Variants in ENPP2 observed in about 807,000 individuals in gnomAD.
The protein encoded by ENPP2 is ectonucleotide pyrophosphatase/phosphodiesterase 2, also known as autotaxin.
In ENPP2, 51 loss-of-function variants were observed where a neutral mutation model predicts 120.2. That is an observed-to-expected ratio of 0.42 (90% confidence interval 0.34 to 0.54). The LOEUF is 0.54. ENPP2 is among the 20% of genes least tolerant of loss of function. The pLI is 0.04. For missense variants in ENPP2, 920 were observed against 1,066.5 expected, an observed-to-expected ratio of 0.86 and a Z score of 1.91; for synonymous variants, 365 against 366.4, an observed-to-expected ratio of 1.00 and a Z score of 0.04.
intron 1 of ENPP2, among the ~76,000 whole-genome samples, chr8:119,663,896 A>G (rs1317404428): frequency 6.6e-6 from 1 of 152,212 alleles, no homozygotes. Flanking sequence ...AATGATGGAA[A>G]AACTCGAATA....
intron 2 of ENPP2, among the ~76,000 whole-genome samples, chr8:119,636,782 AT>A (rs34469483): frequency 6.4e-4 from 94 of 147,608 alleles, no homozygotes; most frequent in South Asian, 1.3e-3. Context: ...AATTCCTGGG[AT>A]TTTTTTTTTT....
chr8:119,614,949 A>T (rs1375564025), intron 8 of ENPP2, among the ~76,000 whole-genome samples: 1 of 152,200 alleles, frequency 6.6e-6, no homozygotes. Flanking sequence ...TTATCTGCAG[A>T]TGTACAAGAA....
At chr8:119,649,409 A>C (rs1034580184) in intron 1 of ENPP2, among the ~76,000 whole-genome samples, 2 of 151,356 alleles carry the variant, frequency 1.3e-5, no homozygotes, top group Non-Finnish European at 2.9e-5. Flanking sequence ...CTCAAAAAAA[A>C]AAAAAAGAAA....
At chr8:119,671,909 C>T (rs1314933675) in intron 1 of ENPP2, among the ~76,000 whole-genome samples, 1 of 152,042 alleles carries the variant, frequency 6.6e-6, no homozygotes, top group Non-Finnish European at 1.5e-5. Context: ...CAGAAGGAAG[C>T]CCGGGAAGCA....
chr8:119,657,787 C>T (rs1817809988), intron 1 of ENPP2, among the ~76,000 whole-genome samples: 1 of 152,204 alleles, frequency 6.6e-6, no homozygotes, highest in Non-Finnish European at 1.5e-5. Flanking sequence ...TGAGAGCTGT[C>T]ATCCTATGGC....
Position 119,621,517 on chromosome 8 carries a change from G to A in ENPP2, c.295C>T (p.Arg99Cys), listed in dbSNP as rs140404753. 2,917 of 1,612,600 alleles carry A rather than the reference G, an allele frequency of 1.8e-3. 5 individuals carry two copies. Among genetic ancestry groups the A allele is most frequent in the Non-Finnish European group, 2.4e-3 (2,781 of 1,179,126 alleles). Residue 99 changes from arginine (R) to cysteine (C), a missense_variant and splice_region_variant, in exon 4 of 25, where the codon CGT (arginine) becomes TGT (cysteine). Arg to Cys is a radical substitution (Grantham distance 180, BLOSUM62 -3). Coordinates refer to ENST00000075322, the MANE Select transcript of ENPP2 (RefSeq NM_001040092.3). ...CTGTCCTTAGTACACTCCCAGCCACGGGCTAAAATCATCCCAATAAAACAT... is the reference window on the plus strand; with the variant it reads ...CTGTCCTTAGTACACTCCCAGCCACAGGCTAAAATCATCCCAATAAAACAT... ...DFDELCLKTA[R>C]GWECTKDRCG...
intron 11 of ENPP2, among the ~76,000 whole-genome samples, chr8:119,599,769 G>T (rs570241832): frequency 6.6e-6 from 1 of 152,254 alleles, no homozygotes; most frequent in Admixed American, 6.5e-5. Context: ...ACTTTGGGAG[G>T]CCAAGGCTGG....
At chr8:119,609,093 C>G (rs375202911) in intron 8 of ENPP2, among the ~76,000 whole-genome samples, 3 of 152,116 alleles carry the variant, frequency 2.0e-5, no homozygotes, top group South Asian at 2.1e-4. Context: ...TTGTCACCAG[C>G]CTTTGAGAGT....
At chr8:119,658,973 G>T (rs1368793950) in intron 1 of ENPP2, among the ~76,000 whole-genome samples, 1 of 152,164 alleles carries the variant, frequency 6.6e-6, no homozygotes, top group Non-Finnish European at 1.5e-5. Context: ...TGGCAGCAGG[G>T]TTGCTGGGCC....
intron 1 of ENPP2, among the ~76,000 whole-genome samples, chr8:119,668,053 T>C (rs1818126160): frequency 6.6e-6 from 1 of 152,182 alleles, no homozygotes; most frequent in Non-Finnish European, 1.5e-5. Context: ...TCCTAAAGAA[T>C]GTTTACCCTG....
intron 3 of ENPP2, among the ~76,000 whole-genome samples, chr8:119,623,261 C>T (rs1816033801): frequency 6.6e-6 from 1 of 151,888 alleles, no homozygotes; most frequent in African/African-American, 2.4e-5. Flanking sequence ...GTCAGGAGTT[C>T]GAGACCAGCC....
intron 1 of ENPP2, among the ~76,000 whole-genome samples, chr8:119,649,812 T>C (rs952960441): frequency 8.5e-5 from 13 of 152,192 alleles, no homozygotes; most frequent in Non-Finnish European, 1.8e-4. Context: ...TGAAAGTTTG[T>C]TCAACATCAT....
At chr8:119,635,148 A>G (rs1816923186) in intron 2 of ENPP2, among the ~76,000 whole-genome samples, 1 of 152,222 alleles carries the variant, frequency 6.6e-6, no homozygotes, top group Non-Finnish European at 1.5e-5. Flanking sequence ...TATCAAATGA[A>G]CATAAACCTT....
intron 1 of ENPP2, among the ~76,000 whole-genome samples, chr8:119,645,279 G>A (rs1385748863): frequency 1.3e-5 from 2 of 152,074 alleles, no homozygotes; most frequent in Non-Finnish European, 2.9e-5. Context: ...CGTCCAAAAC[G>A]CAGCTACCTA....
At chr8:119,642,603 T>C (rs919573992), upstream of ENPP2, among the ~76,000 whole-genome samples, 6 of 152,224 alleles carry the variant, frequency 3.9e-5, no homozygotes, top group Admixed American at 2.0e-4. Context: ...TTTAATATGT[T>C]ATTAATAACA....
intron 1 of ENPP2, among the ~76,000 whole-genome samples, chr8:119,663,525 A>T (rs1817985089): frequency 6.6e-6 from 1 of 152,150 alleles, no homozygotes; most frequent in African/African-American, 2.4e-5. Context: ...TTTTTTGCTA[A>T]ATCTAACAGC....
At chr8:119,568,459 T>C (rs1188947864) in intron 21 of ENPP2, among the ~76,000 whole-genome samples, 1 of 151,872 alleles carries the variant, frequency 6.6e-6, no homozygotes, top group Admixed American at 6.6e-5. Flanking sequence ...AATAGCTCTC[T>C]CCCAAGAGCC....
chr8:119,638,667 T>C, intron 1 of ENPP2, 81 bp downstream of exon 1: 1 of 1,082,492 alleles, frequency 9.2e-7, no homozygotes, highest in Admixed American at 1.7e-5. Context: ...TATCTTAATT[T>C]GCACAACAAA....
rs142185286 is a variant in ENPP2 at position 119,592,080 on chromosome 8, C to G, written c.1082-1450G>C. Among the ~76,000 whole-genome samples, 18 of 152,270 alleles carry G rather than the reference C, an allele frequency of 1.2e-4. No homozygotes were observed. In the East Asian group the frequency reaches 3.5e-3, roughly 29 times the overall value. On this transcript the variant is annotated intron_variant, in intron 12 of 24. Transcript: ENST00000075322. ...TGTTCTCACCTGACAGATGAGGAAA[C>G]TGAGACTTGCCACAAAAGGTGTATA...
Sources: gnomAD v4.1 joint callset for allele counts (sites outside exome capture counted in the v4.1 genomes callset) on GRCh38, gnomAD v4.1.1 for gene constraint, MANE v1.5 for transcripts, NCBI Gene and HGNC (gene_info 2026-07-23, HGNC 2026-07-21) for gene names.